Variants in CCNY observed in about 807,000 individuals in gnomAD.
The protein encoded by CCNY is cyclin Y.
In CCNY, 19 loss-of-function variants were observed where a neutral mutation model predicts 42.8. The ratio of observed to expected loss-of-function variants is 0.44; its 90% confidence interval spans 0.31 to 0.65. The LOEUF (loss-of-function observed/expected upper bound fraction) is 0.65, where lower values mean the gene tolerates loss of function less well. Ranked by LOEUF, CCNY falls within the 30% of genes least tolerant of loss-of-function variation. CCNY has a pLI of 0.07. For synonymous variants in CCNY, 165 were observed against 162.7 expected, an observed-to-expected ratio of 1.01 and a Z score of -0.11; for missense variants, 370 against 437.3, an observed-to-expected ratio of 0.85 and a Z score of 1.37.
intron 3 of CCNY, among the ~76,000 whole-genome samples, chr10:35,293,347 A>C (rs1261431503): frequency 6.6e-6 from 1 of 152,208 alleles, no homozygotes; most frequent in Non-Finnish European, 1.5e-5. Context: ...CCAAAACCAT[A>C]CTGTCTTGAT....
intron 1 of CCNY, among the ~76,000 whole-genome samples, chr10:35,351,611 G>A (rs919072956): frequency 6.6e-6 from 1 of 152,190 alleles, no homozygotes; most frequent in Non-Finnish European, 1.5e-5. Context: ...TACATAGTGG[G>A]TGCTTAGTTT....
intron 8 of CCNY, among the ~76,000 whole-genome samples, chr10:35,562,181 A>G (rs1337838148): frequency 2.6e-5 from 4 of 152,228 alleles, no homozygotes; most frequent in Admixed American, 6.5e-5. Context: ...ATGTGTAGAC[A>G]AATCCAAATA....
At chr10:35,418,889 C>T (rs1838085906) in intron 1 of CCNY, among the ~76,000 whole-genome samples, 1 of 151,750 alleles carries the variant, frequency 6.6e-6, no homozygotes, top group African/African-American at 2.4e-5. Context: ...GGCGCTATCT[C>T]TGCTCACTGC....
At chr10:35,504,236 T>C (rs1840170503) in intron 3 of CCNY, among the ~76,000 whole-genome samples, 1 of 152,144 alleles carries the variant, frequency 6.6e-6, no homozygotes, top group Admixed American at 6.5e-5. Context: ...CCCAGGACCA[T>C]GATAACTGCA....
In CCNY at chr10:35,336,923, G is replaced by A. The variant is rs1221256594; in HGVS notation, c.-131G>A. 4.3e-6 allele frequency: 2 copies of A among 460,174 alleles called. No homozygotes were observed. Among genetic ancestry groups the A allele is most frequent in the African/African-American group, 2.3e-5 (1 of 43,828 alleles). The allele number at this position is 460,174 out of a possible 1,614,324, so 28.5% of individuals were successfully genotyped here. ...TGACCCGGCGGCCGGCCGCCGTTCC[G>A]CCCCCTCCCGTGGCGGCGAGCGGGC... is the stretch of plus-strand genomic sequence containing the variant. On this transcript the variant is annotated 5_prime_UTR_variant, in exon 1 of 10. Transcript: ENST00000374704.
chr10:35,561,816 G>GCGCC (rs1431618835), intron 8 of CCNY, among the ~76,000 whole-genome samples: 2 of 152,252 alleles, frequency 1.3e-5, no homozygotes, highest in African/African-American at 2.4e-5. Flanking sequence ...GTATCTGTGG[G>GCGCC]CGCAGGCTGA....
chr10:35,494,596 C>T (rs1435452857), intron 2 of CCNY, among the ~76,000 whole-genome samples: 3 of 152,130 alleles, frequency 2.0e-5, no homozygotes, highest in African/African-American at 7.2e-5. Context: ...AAAATGAAAA[C>T]TCATGTCCAA....
intron 5 of CCNY, among the ~76,000 whole-genome samples, chr10:35,526,325 C>T (rs1487757658): frequency 1.3e-5 from 2 of 152,134 alleles, no homozygotes; most frequent in African/African-American, 4.8e-5. Context: ...TAAAAGTTCA[C>T]TGGGTGCAAC....
chr10:35,335,593 A>C (rs531060773), upstream of CCNY, among the ~76,000 whole-genome samples: 1 of 152,170 alleles, frequency 6.6e-6, no homozygotes, highest in South Asian at 2.1e-4. Context: ...GCCGTGGCTC[A>C]TGCCCGTAAT....
In CCNY at chr10:35,571,959, TC is replaced by T. The variant is rs1221443992; in HGVS notation, c.*2790del. 1 of 136,456 alleles carries T rather than the reference TC, an allele frequency of 7.3e-6. No individual in the cohort carries two copies. Among genetic ancestry groups the T allele is most frequent in the African/African-American group, 2.9e-5 (1 of 34,878 alleles). 8.5% of individuals were successfully genotyped at this position (136,456 alleles called of 1,614,324 possible). A position where few individuals can be genotyped will look rare whatever the true frequency, so the allele number is the denominator to read the frequency against. On this transcript the variant is annotated 3_prime_UTR_variant, in exon 10 of 10. Coordinates refer to ENST00000374704, the MANE Select transcript of CCNY (RefSeq NM_145012.6). ...GAATCTTTTTGATTTGTTTTACTTT[TC>T]TTATTTTTTTTTTTTTAACTAGAAA...
intron 3 of CCNY, among the ~76,000 whole-genome samples, chr10:35,504,378 TC>T (rs1303288340): frequency 6.6e-6 from 1 of 151,828 alleles, no homozygotes; most frequent in African/African-American, 2.4e-5. Context: ...TAGAGAATGG[TC>T]CCCCAGGCTG....
At chr10:35,270,209 A>G (rs1002025609) in intron 3 of CCNY, among the ~76,000 whole-genome samples, 4 of 152,058 alleles carry the variant, frequency 2.6e-5, no homozygotes, top group African/African-American at 9.7e-5. Context: ...AAAAGGAGTA[A>G]ACTCCCTCCA....
At chr10:35,471,363 A>C (rs1766397256) in intron 1 of CCNY, among the ~76,000 whole-genome samples, 1 of 152,048 alleles carries the variant, frequency 6.6e-6, no homozygotes, top group African/African-American at 2.4e-5. Flanking sequence ...TTTACTTTTT[A>C]CTAGTTTTTC....
intron 2 of CCNY, among the ~76,000 whole-genome samples, chr10:35,487,494 C>T (rs905888648): frequency 2.6e-5 from 4 of 152,070 alleles, no homozygotes; most frequent in Non-Finnish European, 5.9e-5. Flanking sequence ...AACAAGTTGT[C>T]GGCCATGCAT....
chr10:35,444,362 C>T (rs955097683), intron 1 of CCNY, among the ~76,000 whole-genome samples: 1 of 151,950 alleles, frequency 6.6e-6, no homozygotes, highest in Admixed American at 6.5e-5. Context: ...ATTCTCCTGC[C>T]TCAGCCTCCC....
chr10:35,352,463 C>CCATT (rs1382237411), intron 1 of CCNY, among the ~76,000 whole-genome samples: 1 of 152,134 alleles, frequency 6.6e-6, no homozygotes, highest in Non-Finnish European at 1.5e-5. Context: ...AGAGCCACAG[C>CCATT]CATTGTAGGT....
chr10:35,547,798 C>T (rs1841148208), intron 7 of CCNY, among the ~76,000 whole-genome samples: 1 of 152,158 alleles, frequency 6.6e-6, no homozygotes, highest in South Asian at 2.1e-4. Flanking sequence ...AGATGCTGCA[C>T]ATACTGGGGA....
intron 1 of CCNY, among the ~76,000 whole-genome samples, chr10:35,475,483 T>C (rs1006109108): frequency 1.1e-4 from 17 of 151,952 alleles, no homozygotes; most frequent in African/African-American, 4.1e-4. Flanking sequence ...GGGCCAATAT[T>C]CAGCATTCTT....
At chr10:35,460,750 G>T (rs1038953316) in intron 1 of CCNY, among the ~76,000 whole-genome samples, 4 of 152,164 alleles carry the variant, frequency 2.6e-5, no homozygotes, top group Admixed American at 1.3e-4. Flanking sequence ...AGTACCTATG[G>T]CACGGCACAG....
Sources: gnomAD v4.1 joint callset for allele counts (sites outside exome capture counted in the v4.1 genomes callset) on GRCh38, gnomAD v4.1.1 for gene constraint, MANE v1.5 for transcripts, NCBI Gene and HGNC (gene_info 2026-07-23, HGNC 2026-07-21) for gene names.